Variants in ZNF396 observed in about 807,000 individuals in gnomAD.
ZNF396 encodes zinc finger protein 396.
A neutral mutation model predicts 20.5 loss-of-function variants in ZNF396; 14 were observed. That is an observed-to-expected ratio of 0.68 (90% confidence interval 0.45 to 1.07). The LOEUF (loss-of-function observed/expected upper bound fraction) is 1.07. ZNF396 is among the 50% of genes least tolerant of loss of function. The pLI, the probability that ZNF396 is intolerant of heterozygous loss-of-function variation, is 0.00. For missense variants in ZNF396, 347 were observed against 390.1 expected (o/e 0.89, Z 0.93); for synonymous variants, 119 against 140.6 (o/e 0.85, Z 1.08).
In ZNF396 at chr18:35,368,954, C is replaced by A. The variant is rs1472997547; in HGVS notation, c.*261G>T. On this transcript the variant is annotated 3_prime_UTR_variant, in exon 4 of 4. Coordinates refer to ENST00000589332, the MANE Select transcript of ZNF396 (RefSeq NM_001322286.2). ...AAATAGTAGAACATGTCTGAGAATG[C>A]CTTTTCAAGGCCTGCATAGGGATGG... 1.6e-6 allele frequency: 2 copies of A among 1,244,906 alleles called. No individual in the cohort carries two copies. The highest frequency in any genetic ancestry group is 3.1e-5 in the African/African-American group (2 of 64,758). 77.1% of individuals were successfully genotyped at this position (1,244,906 alleles called of 1,614,324 possible).
chr18:35,370,092 A>G (rs8096611), intron 3 of ZNF396, among the ~76,000 whole-genome samples: 62,461 of 152,000 alleles, frequency 0.41, 13,312 homozygotes, highest in African/African-American at 0.47. Flanking sequence ...TATGCAAAGA[A>G]ATGAGCTGAA....
At chr18:35,376,515 T>C (rs897627864) in intron 1 of ZNF396, among the ~76,000 whole-genome samples, 1 of 152,140 alleles carries the variant, frequency 6.6e-6, no homozygotes, top group Admixed American at 6.5e-5. Context: ...TTAGAGGCCA[T>C]AGGCAGCAGG....
rs1567956880 is a variant in ZNF396 at position 35,374,149 on chromosome 18, T to C, written c.144A>G (p.Pro48=). ...GCCTGAATTGCTGGCGGAAGGTCTC[T>C]GGGCTGTAGCTGCTGCTCCAGTGGA... ...SSLHWSSSYS[P]ETFRQQFRQF... is the part of the protein sequence containing the mutation. Residue 48 remains proline, a synonymous_variant, in exon 2 of 4, where the codon CCA becomes CCG. Coordinates refer to ENST00000589332, the MANE Select transcript of ZNF396 (RefSeq NM_001322286.2). The surrounding 1 kb of genome is among the most constrained non-coding windows in gnomAD (Gnocchi z 4.3). 1 of 1,614,252 alleles carries C rather than the reference T, an allele frequency of 6.2e-7. No homozygotes were observed. The highest frequency in any genetic ancestry group is 8.5e-7 in the Non-Finnish European group (1 of 1,180,050).
chr18:35,374,491 G>T lies in ZNF396; in HGVS notation c.-72-127C>A. 2.1e-6 allele frequency: 1 copy of T among 481,806 alleles called. No individual in the cohort carries two copies. Among genetic ancestry groups the T allele is most frequent in the Non-Finnish European group, 3.7e-6 (1 of 273,492 alleles). The allele number at this position is 481,806 out of a possible 1,614,324, so 29.8% of individuals were successfully genotyped here. Reference sequence around the variant, plus strand: ...TGACCTTAGTCTTAACAGAAACCATGCTTTTATTTATTTATTTATTTTTGA... The same window carrying T: ...TGACCTTAGTCTTAACAGAAACCATTCTTTTATTTATTTATTTATTTTTGA... On this transcript the variant is annotated intron_variant, in intron 1 of 3. Coordinates refer to ENST00000589332, the MANE Select transcript of ZNF396 (RefSeq NM_001322286.2). The surrounding 1 kb of genome is among the most constrained non-coding windows in gnomAD (Gnocchi z 4.3).
chr18:35,374,360 C>T lies in ZNF396; in HGVS notation c.-68G>A, dbSNP rs2045230288. ...AAGGAGGTGAAGCTGTCCTGATGGA[C>T]ACTCCTTAAATATGATTAAAGAAAC... On this transcript the variant is annotated 5_prime_UTR_variant, in exon 2 of 4. Coordinates refer to ENST00000589332, the MANE Select transcript of ZNF396 (RefSeq NM_001322286.2). The surrounding 1 kb of genome is among the most constrained non-coding windows in gnomAD (Gnocchi z 4.3). 1.4e-6 allele frequency: 2 copies of T among 1,451,508 alleles called. No homozygotes were observed. The highest frequency in any genetic ancestry group is 1.9e-6 in the Non-Finnish European group (2 of 1,065,812). 89.9% of individuals were successfully genotyped at this position (1,451,508 alleles called of 1,614,324 possible). A position where few individuals can be genotyped will look rare whatever the true frequency, so the allele number is the denominator to read the frequency against.
In ZNF396 at chr18:35,369,087, T is replaced by G. The variant is rs1411180271; in HGVS notation, c.*128A>C. ...GATCTTCAACCTTCTCTCCTGTGGCTTTCATGAGTCTTGAAAGGAGACTGG... is the reference window on the plus strand; with the variant it reads ...GATCTTCAACCTTCTCTCCTGTGGCGTTCATGAGTCTTGAAAGGAGACTGG... On this transcript the variant is annotated 3_prime_UTR_variant, in exon 4 of 4. Coordinates refer to ENST00000589332, the MANE Select transcript of ZNF396 (RefSeq NM_001322286.2). 1.4e-6 allele frequency: 2 copies of G among 1,425,664 alleles called. No individual in the cohort carries two copies. Among genetic ancestry groups the G allele is most frequent in the Admixed American group, 3.2e-5 (1 of 31,132 alleles). The allele number at this position is 1,425,664 out of a possible 1,614,324, so 88.3% of individuals were successfully genotyped here. A position where few individuals can be genotyped will look rare whatever the true frequency, so the allele number is the denominator to read the frequency against.
At position 35,367,174 on chromosome 18, in the gene ZNF396, A is replaced by AT. The variant is rs1264950773; in HGVS notation, c.*2040dup. The AT allele has an allele frequency of 1.3e-5, 2 of 152,232 alleles. No homozygotes were observed. Among genetic ancestry groups the AT allele is most frequent in the Non-Finnish European group, 2.9e-5 (2 of 68,042 alleles). 9.4% of individuals were successfully genotyped at this position (152,232 alleles called of 1,614,324 possible). A position where few individuals can be genotyped will look rare whatever the true frequency, so the allele number is the denominator to read the frequency against. ...GAGCCCCAAATAAAAAGTATCCTACATTTTTAGTGACTCAAGATACACACA... is the reference window on the plus strand; with the variant it reads ...GAGCCCCAAATAAAAAGTATCCTACATTTTTTAGTGACTCAAGATACACACA... On this transcript the variant is annotated 3_prime_UTR_variant, in exon 4 of 4. Transcript: ENST00000589332.
Position 35,368,254 on chromosome 18 carries a change from A to G in ZNF396, c.*961T>C, listed in dbSNP as rs1438690619. On this transcript the variant is annotated 3_prime_UTR_variant, in exon 4 of 4. Coordinates refer to ENST00000589332, the MANE Select transcript of ZNF396 (RefSeq NM_001322286.2). ...GTTTCCATTGACTTATTTCCAAATT[A>G]CATTGCAAAGGAGATTATTTTTTTC... The G allele has an allele frequency of 3.3e-6, 2 of 602,704 alleles. No homozygotes were observed. The highest frequency in any genetic ancestry group is 1.9e-5 in the African/African-American group (1 of 52,054). 37.3% of individuals were successfully genotyped at this position (602,704 alleles called of 1,614,324 possible).
At position 35,369,107 on chromosome 18, in the gene ZNF396, G is replaced by C; in HGVS notation, c.*108C>G. 1 of 1,441,274 alleles carries C rather than the reference G, an allele frequency of 6.9e-7. No homozygotes were observed. Among genetic ancestry groups the C allele is most frequent in the Non-Finnish European group, 9.1e-7 (1 of 1,099,664 alleles). 89.3% of individuals were successfully genotyped at this position (1,441,274 alleles called of 1,614,324 possible). On this transcript the variant is annotated 3_prime_UTR_variant, in exon 4 of 4. Coordinates refer to ENST00000589332, the MANE Select transcript of ZNF396 (RefSeq NM_001322286.2). ...GTGGCTTTCATGAGTCTTGAAAGGA[G>C]ACTGGTGCTTACTAAGACCACTGAT... is the stretch of plus-strand genomic sequence containing the variant.
At position 35,366,733 on chromosome 18, in the gene ZNF396, A is replaced by T. The variant is rs1598697159; in HGVS notation, c.*2482T>A. The T allele has an allele frequency of 1.3e-5, 2 of 152,202 alleles. No individual in the cohort carries two copies. The highest frequency in any genetic ancestry group is 1.9e-4 in the East Asian group (1 of 5,206). The allele number at this position is 152,202 out of a possible 1,614,324, so 9.4% of individuals were successfully genotyped here. A position where few individuals can be genotyped will look rare whatever the true frequency, so the allele number is the denominator to read the frequency against. On this transcript the variant is annotated 3_prime_UTR_variant, in exon 4 of 4. Transcript: ENST00000589332. ...ATTTACTATCCCTGAAAATTAATAT[A>T]ATGGGGGTGCTAATGCTAATTTTTA...
At chr18:35,375,899 C>T (rs1211944930) in intron 1 of ZNF396, among the ~76,000 whole-genome samples, 4 of 152,086 alleles carry the variant, frequency 2.6e-5, no homozygotes, top group African/African-American at 7.2e-5. Context: ...TGTACCACCA[C>T]GCCCGGCTAA....
In ZNF396 at chr18:35,369,429, G is replaced by A; in HGVS notation, c.794C>T (p.Ala265Val). Reference protein sequence around the residue: ...ECGKIFSQSSALILHQRIHSG... With the variant: ...ECGKIFSQSSVLILHQRIHSG... Reference sequence around the variant, plus strand: ...GTGGATTCTCTGATGTAAAATAAGGGCTGAGCTCTGACTAAAGATTTTGCC... The same window carrying A: ...GTGGATTCTCTGATGTAAAATAAGGACTGAGCTCTGACTAAAGATTTTGCC... The change falls in exon 4 of 4, where the codon GCC (alanine) becomes GTC (valine). Residue 265 changes from alanine to valine, a missense_variant. Ala to Val is a moderately conservative substitution (Grantham distance 64). Coordinates refer to ENST00000589332, the MANE Select transcript of ZNF396 (RefSeq NM_001322286.2). The A allele has an allele frequency of 1.2e-6, 2 of 1,614,126 alleles. No individual in the cohort carries two copies. The highest frequency in any genetic ancestry group is 1.7e-6 in the Non-Finnish European group (2 of 1,180,018).
Position 35,368,985 on chromosome 18 carries a change from T to C in ZNF396, c.*230A>G. On this transcript the variant is annotated 3_prime_UTR_variant, in exon 4 of 4. Transcript: ENST00000589332. ...CAAGGCCTGCATAGGGATGGAAATCTGAATTAAGCTTTGGAATTGCAAACG... is the reference window on the plus strand; with the variant it reads ...CAAGGCCTGCATAGGGATGGAAATCCGAATTAAGCTTTGGAATTGCAAACG... 7.7e-7 allele frequency: 1 copy of C among 1,304,382 alleles called. No individual in the cohort carries two copies. The highest frequency in any genetic ancestry group is 9.7e-7 in the Non-Finnish European group (1 of 1,031,236). The allele number at this position is 1,304,382 out of a possible 1,614,324, so 80.8% of individuals were successfully genotyped here.
In ZNF396 at chr18:35,369,379, C is replaced by T. The variant is rs1292466006; in HGVS notation, c.844G>A (p.Asp282Asn). 6.2e-7 allele frequency: 1 copy of T among 1,614,110 alleles called. No individual in the cohort carries two copies. Among genetic ancestry groups the T allele is most frequent in the African/African-American group, 1.3e-5 (1 of 74,946 alleles). Residue 282 changes from aspartate to asparagine, a missense_variant, in exon 4 of 4, where the codon GAC (aspartate) becomes AAC (asparagine). Coordinates refer to ENST00000589332, the MANE Select transcript of ZNF396 (RefSeq NM_001322286.2). ...CGGCTGAATGCCTTTGCACACTCGT[C>T]ACATGCATAAGGTTTCTTTCCACTG... ...IHSGKKPYAC[D>N]ECAKAFSRSA...
chr18:35,370,504 ATTTTT>A (rs35532616), intron 3 of ZNF396, among the ~76,000 whole-genome samples: 2 of 81,776 alleles, frequency 2.4e-5, no homozygotes, highest in Admixed American at 1.9e-4. Context: ...TCATGGTGGC[ATTTTT>A]TTTTTTTTTT....
In ZNF396 at chr18:35,369,299, C is replaced by T. The variant is rs1187681910; in HGVS notation, c.924G>A (p.Lys308=). Residue 308 remains lysine (K), a synonymous_variant, in exon 4 of 4, where the codon AAG becomes AAA. Coordinates refer to ENST00000589332, the MANE Select transcript of ZNF396 (RefSeq NM_001322286.2). ...RRTHTGEKPY[K]CHDCGKAFSQ... ...TAAAGGCTTTGCCACAGTCATGACA[C>T]TTGTAGGGCTTCTCACCAGTATGGG... The T allele has an allele frequency of 1.9e-5, 31 of 1,614,072 alleles. No homozygotes were observed. Among genetic ancestry groups the T allele is most frequent in the Admixed American group, 3.3e-5 (2 of 60,002 alleles).
chr18:35,371,572 A>G (rs2045180667), intron 3 of ZNF396, among the ~76,000 whole-genome samples: 1 of 152,170 alleles, frequency 6.6e-6, no homozygotes, highest in Non-Finnish European at 1.5e-5. Flanking sequence ...AGGGCATTTC[A>G]TGGTGAGGGG....
intron 3 of ZNF396, among the ~76,000 whole-genome samples, chr18:35,370,653 C>T (rs1033691665): frequency 1.9e-4 from 28 of 149,888 alleles, no homozygotes; most frequent in African/African-American, 5.6e-4. Context: ...GCTGGGACTA[C>T]AGGCGCCCGC....
In ZNF396 at chr18:35,369,044, C is replaced by A; in HGVS notation, c.*171G>T. The A allele has an allele frequency of 7.3e-7, 1 of 1,379,214 alleles. No individual in the cohort carries two copies. 85.4% of individuals were successfully genotyped at this position (1,379,214 alleles called of 1,614,324 possible). On this transcript the variant is annotated 3_prime_UTR_variant, in exon 4 of 4. Coordinates refer to ENST00000589332, the MANE Select transcript of ZNF396 (RefSeq NM_001322286.2). ...GAGACTGCATTGATAAGCAGAAAAG[C>A]AAATAATGCTGACCTGAGATCTTCA...
Sources: allele counts gnomAD v4.1 joint callset (sites outside exome capture counted in the v4.1 genomes callset), GRCh38; gene constraint gnomAD v4.1.1; non-coding constraint Gnocchi (gnomAD v3.1); transcripts MANE v1.5; gene names NCBI Gene and HGNC (gene_info 2026-07-23, HGNC 2026-07-21).